Variants in ADAMTSL3 observed in about 807,000 individuals in gnomAD.
ADAMTSL3 encodes ADAMTS-like protein 3.
ADAMTSL3 carries 128 observed loss-of-function variants against 201.7 expected under a neutral mutation model. That is an observed-to-expected ratio of 0.63 (90% CI 0.55 to 0.73). The LOEUF is 0.73. ADAMTSL3 is among the 30% of genes least tolerant of loss of function. ADAMTSL3 has a pLI of 0.00. For missense variants in ADAMTSL3, 1,990 were observed against 2,119.6 expected (o/e 0.94, Z 1.20); for synonymous variants, 738 against 748.4 (o/e 0.99, Z 0.23).
intron 14 of ADAMTSL3, 127 bp downstream of exon 14, chr15:83,898,132 G>T (rs1344220606): frequency 3.8e-6 from 4 of 1,042,874 alleles, no homozygotes; most frequent in Middle Eastern, 3.1e-4. Flanking sequence ...GATTGCAATA[G>T]ACCTTCCCAT....
intron 23 of ADAMTSL3, among the ~76,000 whole-genome samples, chr15:83,991,484 G>A (rs2067582258): frequency 6.6e-6 from 1 of 152,158 alleles, no homozygotes; most frequent in Admixed American, 6.6e-5. Flanking sequence ...GTTCATATTG[G>A]CAAGACCAGA....
At chr15:83,869,368 A>T (rs528187373) in intron 8 of ADAMTSL3, among the ~76,000 whole-genome samples, 2 of 152,280 alleles carry the variant, frequency 1.3e-5, no homozygotes, top group East Asian at 3.9e-4. Flanking sequence ...ACACTTTCCA[A>T]AAATCTATTG....
chr15:84,037,904 G>T lies in ADAMTSL3; in HGVS notation c.*98G>T. On this transcript the variant is annotated 3_prime_UTR_variant, in exon 30 of 30. Transcript: ENST00000286744. ...ATTCAAAAACATGTATTTCTTAAAA[G>T]ACTAGATTCTATGGATCAAACAGAG... 6.8e-7 allele frequency: 1 copy of T among 1,463,090 alleles called. No homozygotes were observed. Among genetic ancestry groups the T allele is most frequent in the Non-Finnish European group, 9.0e-7 (1 of 1,106,840 alleles). The allele number at this position is 1,463,090 out of a possible 1,614,324, so 90.6% of individuals were successfully genotyped here.
chr15:83,787,875 C>G (rs2063289249), intron 4 of ADAMTSL3, among the ~76,000 whole-genome samples: 1 of 151,944 alleles, frequency 6.6e-6, no homozygotes, highest in Non-Finnish European at 1.5e-5. Context: ...GTCTTCCAGT[C>G]CCATACCCCA....
chr15:83,817,571 T>C (rs2063789067), intron 5 of ADAMTSL3, among the ~76,000 whole-genome samples: 3 of 152,260 alleles, frequency 2.0e-5, no homozygotes, highest in East Asian at 1.9e-4. Flanking sequence ...CAAAATGAAA[T>C]GGGGAAAATA....
At chr15:84,028,003 C>G (rs1226972132) in intron 27 of ADAMTSL3, among the ~76,000 whole-genome samples, 1 of 152,118 alleles carries the variant, frequency 6.6e-6, no homozygotes, top group Non-Finnish European at 1.5e-5. Flanking sequence ...AAGGACCACT[C>G]TGCATGGCAC....
At chr15:83,963,224 C>T (rs2067006698) in intron 19 of ADAMTSL3, among the ~76,000 whole-genome samples, 1 of 152,182 alleles carries the variant, frequency 6.6e-6, no homozygotes, top group East Asian at 1.9e-4. Context: ...GCAGATCCCA[C>T]CCCCACAGAG....
chr15:83,808,595 C>T (rs1271075857), intron 5 of ADAMTSL3, among the ~76,000 whole-genome samples: 1 of 152,120 alleles, frequency 6.6e-6, no homozygotes, highest in Non-Finnish European at 1.5e-5. Flanking sequence ...AAAAATAGAA[C>T]TACAATATGA....
chr15:84,020,926 G>T (rs1219985471), intron 25 of ADAMTSL3, among the ~76,000 whole-genome samples: 2 of 152,204 alleles, frequency 1.3e-5, no homozygotes, highest in Non-Finnish European at 2.9e-5. Flanking sequence ...AATAAGAACA[G>T]AACTCAAATG....
intron 16 of ADAMTSL3, among the ~76,000 whole-genome samples, chr15:83,915,215 G>A (rs901470105): frequency 6.6e-6 from 1 of 152,166 alleles, no homozygotes; most frequent in Admixed American, 6.5e-5. Flanking sequence ...GCTTTTAGGT[G>A]CTGTTGGTAG....
chr15:83,960,404 C>T (rs868353904), intron 19 of ADAMTSL3, among the ~76,000 whole-genome samples: 8 of 152,094 alleles, frequency 5.3e-5, no homozygotes, highest in Admixed American at 2.0e-4. Flanking sequence ...TTTCCTCAGG[C>T]GCCGAGCAGG....
chr15:83,895,095 G>A lies in ADAMTSL3; in HGVS notation c.1467+2207G>A, dbSNP rs1346943798. Among the ~76,000 whole-genome samples the A allele has an allele frequency of 4.6e-5, 7 of 152,268 alleles. No individual in the cohort carries two copies. In the South Asian group the frequency reaches 6.2e-4, roughly 14 times the overall value. On this transcript the variant is annotated intron_variant, in intron 13 of 29. Transcript: ENST00000286744. Reference sequence around the variant, plus strand: ...GCTTGTTCACATAAATCAATAGACCGGGATGGAAGGATTTTATTTTAGCAA... The same window carrying A: ...GCTTGTTCACATAAATCAATAGACCAGGATGGAAGGATTTTATTTTAGCAA...
At chr15:83,960,666 A>C (rs1409200723) in intron 19 of ADAMTSL3, among the ~76,000 whole-genome samples, 1 of 152,230 alleles carries the variant, frequency 6.6e-6, no homozygotes, top group African/African-American at 2.4e-5. Flanking sequence ...ATTATTACAC[A>C]GTAAGCCAGT....
chr15:84,031,569 G>A lies in ADAMTSL3; in HGVS notation c.4754+137G>A, dbSNP rs934130595. 20 of 717,334 alleles carry A rather than the reference G, an allele frequency of 2.8e-5. No homozygotes were observed. In the African/African-American group the frequency reaches 3.0e-4, roughly 11 times the overall value. The allele number at this position is 717,334 out of a possible 1,614,324, so 44.4% of individuals were successfully genotyped here. A position where few individuals can be genotyped will look rare whatever the true frequency, so the allele number is the denominator to read the frequency against. On this transcript the variant is annotated intron_variant, in intron 28 of 29. Coordinates refer to ENST00000286744, the MANE Select transcript of ADAMTSL3 (RefSeq NM_207517.3). The stretch of plus-strand genomic sequence containing the variant: ...ACAGTTTTCAATTATGATTTATTTA[G>A]TGTCATCTTCAATAGTATATATTAT...
At chr15:83,928,849 A>C (rs2066296379) in intron 17 of ADAMTSL3, among the ~76,000 whole-genome samples, 1 of 152,112 alleles carries the variant, frequency 6.6e-6, no homozygotes, top group Non-Finnish European at 1.5e-5. Flanking sequence ...ATGAAACCTG[A>C]GTTTCTTTTT....
chr15:83,960,991 A>T (rs1248487568), intron 19 of ADAMTSL3, among the ~76,000 whole-genome samples: 1 of 152,178 alleles, frequency 6.6e-6, no homozygotes, highest in East Asian at 1.9e-4. Flanking sequence ...AAAAGTTGAG[A>T]CAGATAGGTT....
intron 2 of ADAMTSL3, among the ~76,000 whole-genome samples, chr15:83,665,362 G>A (rs1016884638): frequency 6.6e-6 from 1 of 152,130 alleles, no homozygotes; most frequent in African/African-American, 2.4e-5. Context: ...CACCTTCGGG[G>A]GAAGGTGAGG....
chr15:83,705,645 G>A (rs2061840170), intron 3 of ADAMTSL3, among the ~76,000 whole-genome samples: 1 of 152,106 alleles, frequency 6.6e-6, no homozygotes, highest in Non-Finnish European at 1.5e-5. Context: ...GGAGATTAGA[G>A]CATAGAGGGC....
intron 7 of ADAMTSL3, among the ~76,000 whole-genome samples, chr15:83,855,247 C>T (rs545062471): frequency 6.6e-6 from 1 of 152,270 alleles, no homozygotes; most frequent in East Asian, 1.9e-4. Context: ...ATGCGGTCTT[C>T]TAGATTTTCA....
Sources: allele counts gnomAD v4.1 joint callset (sites outside exome capture counted in the v4.1 genomes callset), GRCh38; gene constraint gnomAD v4.1.1; transcripts MANE v1.5; gene names NCBI Gene and HGNC (gene_info 2026-07-23, HGNC 2026-07-21).